DOCK1: variants seen among roughly 807,000 people sequenced by gnomAD.
DOCK1 encodes the protein dedicator of cytokinesis protein 1.
A neutral mutation model predicts 262.7 loss-of-function variants in DOCK1; 138 were observed. The ratio of observed to expected loss-of-function variants is 0.53; its 90% CI spans 0.46 to 0.61. DOCK1 has a LOEUF of 0.61. Ranked by LOEUF, DOCK1 falls within the 20% of genes least tolerant of loss-of-function variation. The probability of loss-of-function intolerance (pLI) is 0.00; values close to 1 mark genes in which losing one functional copy is unlikely to be tolerated. For synonymous variants in DOCK1, 866 were observed against 867.4 expected (o/e 1.00, Z 0.03); for missense variants, 1,908 against 2,370.7 (o/e 0.80, Z 4.05).
intron 29 of DOCK1, among the ~76,000 whole-genome samples, chr10:127,264,491 A>G (rs555708141): frequency 6.6e-6 from 1 of 152,358 alleles, no homozygotes; most frequent in African/African-American, 2.4e-5. Context: ...TAACATGAAT[A>G]TAAAATAGAA....
chr10:127,121,850 G>A (rs2049602842), intron 25 of DOCK1, among the ~76,000 whole-genome samples: 1 of 152,128 alleles, frequency 6.6e-6, no homozygotes, highest in Admixed American at 6.5e-5. Flanking sequence ...TGGCAGACCT[G>A]CTTTTAACTG....
At chr10:127,074,889 C>T (rs867383414) in intron 23 of DOCK1, among the ~76,000 whole-genome samples, 4 of 151,988 alleles carry the variant, frequency 2.6e-5, no homozygotes, top group Non-Finnish European at 4.4e-5. Flanking sequence ...TGGCCGGGTG[C>T]GGTGGCTCAC....
At chr10:126,955,362 A>G (rs896681891) in intron 1 of DOCK1, among the ~76,000 whole-genome samples, 44 of 152,198 alleles carry the variant, frequency 2.9e-4, no homozygotes, top group Non-Finnish European at 5.1e-4. Flanking sequence ...CTGGCCTCCA[A>G]TGATCCGCTC....
At chr10:126,943,072 C>T (rs1007133724) in intron 1 of DOCK1, among the ~76,000 whole-genome samples, 2 of 147,266 alleles carry the variant, frequency 1.4e-5, no homozygotes, top group African/African-American at 5.1e-5. Flanking sequence ...GCCTGGCCAA[C>T]ATGGTGAAAT....
At chr10:127,406,351 C>T (rs957889387) in intron 40 of DOCK1, among the ~76,000 whole-genome samples, 9 of 152,286 alleles carry the variant, frequency 5.9e-5, no homozygotes, top group African/African-American at 2.2e-4. Flanking sequence ...CAGCAGGCTC[C>T]AGGGGCGGTG....
At chr10:127,000,491 T>C in intron 10 of DOCK1, 184 bp downstream of exon 10, 6 of 842,842 alleles carry the variant, frequency 7.1e-6, no homozygotes, top group Non-Finnish European at 1.0e-5. Context: ...AGGCTCAGGA[T>C]GCTCTAGTCC....
chr10:127,150,750 G>A (rs1382668922), intron 27 of DOCK1, among the ~76,000 whole-genome samples: 2 of 152,106 alleles, frequency 1.3e-5, no homozygotes, highest in Non-Finnish European at 1.5e-5. Context: ...GAAAGAGTGG[G>A]GTACCACAAA....
chr10:127,367,786 C>T (rs1328853113), intron 33 of DOCK1, among the ~76,000 whole-genome samples: 1 of 152,346 alleles, frequency 6.6e-6, no homozygotes, highest in Admixed American at 6.5e-5. Context: ...GACGCTCTTG[C>T]AATCTCACAC....
At chr10:127,394,812 G>A (rs544676893) in intron 38 of DOCK1, among the ~76,000 whole-genome samples, 12 of 152,222 alleles carry the variant, frequency 7.9e-5, no homozygotes, top group South Asian at 2.1e-4. Context: ...GTGAAATACC[G>A]AGATGGAGCC....
At chr10:127,185,516 A>G (rs1297004058) in intron 27 of DOCK1, among the ~76,000 whole-genome samples, 1 of 152,210 alleles carries the variant, frequency 6.6e-6, no homozygotes, top group African/African-American at 2.4e-5. Context: ...TCTTAACACT[A>G]TACATCACAG....
chr10:127,309,072 A>C lies in DOCK1; in HGVS notation c.3045-29934A>C, dbSNP rs899690238. ...CCACCAACAGTGTAAAAGTCTTCCT[A>C]TTTCTCCACAGCCTCGCCAGTATCT... On this transcript the variant is annotated intron_variant, in intron 29 of 51. Transcript: ENST00000623213. Among the ~76,000 whole-genome samples the C allele has an allele frequency of 2.0e-5, 3 of 152,046 alleles. No homozygotes were observed. The East Asian group carries it at 5.8e-4, about 29-fold the overall frequency.
In DOCK1 at chr10:127,032,320, G is replaced by A. The variant is rs1347271770; in HGVS notation, c.1912G>A (p.Val638Met). 6.5e-7 allele frequency: 1 copy of A among 1,533,254 alleles called. No homozygotes were observed. Among genetic ancestry groups the A allele is most frequent in the East Asian group, 2.3e-5 (1 of 42,670 alleles). The allele number at this position is 1,533,254 out of a possible 1,614,324, so 95.0% of individuals were successfully genotyped here. ...LVCSTKLTQN[V>M]DLLGLLKWRS... ...GTGCTCCACCAAACTGACTCAGAAC[G>A]GTGCGTTCGAGAGGAGAAACACACT... Residue 638 changes from valine (V) to methionine (M), a missense_variant and splice_region_variant, in exon 18 of 52, where the codon GTG becomes ATG. Val to Met is a conservative substitution (Grantham distance 21). This residue lies in a region of DOCK1 where 294 missense variants were observed against 439.9 expected (regional missense o/e 0.67). Transcript: ENST00000623213.
At position 127,012,487 on chromosome 10, in the gene DOCK1, G is replaced by A; in HGVS notation, c.1201+113G>A. On this transcript the variant is annotated intron_variant, in intron 12 of 51. Coordinates refer to ENST00000623213, the MANE Select transcript of DOCK1 (RefSeq NM_001290223.2). The surrounding 1 kb of genome is among the most constrained non-coding windows in gnomAD (Gnocchi z 4.0). ...TCATGATGGTGGTGATAATGATGGG[G>A]ATGACAGTGATCGTGGTGGAGAATG... 1.2e-6 allele frequency: 1 copy of A among 866,966 alleles called. No homozygotes were observed. The highest frequency in any genetic ancestry group is 2.5e-5 in the East Asian group (1 of 39,948). 53.7% of individuals were successfully genotyped at this position (866,966 alleles called of 1,614,324 possible). A position where few individuals can be genotyped will look rare whatever the true frequency, so the allele number is the denominator to read the frequency against.
chr10:127,344,178 C>G (rs1022021051), intron 31 of DOCK1: 3 of 155,546 alleles, frequency 1.9e-5, no homozygotes, highest in African/African-American at 7.2e-5. Context: ...CAGCAGATAA[C>G]CCCTGTCTTC....
chr10:127,355,680 C>T (rs768966806), intron 32 of DOCK1, among the ~76,000 whole-genome samples: 16 of 152,148 alleles, frequency 1.1e-4, no homozygotes, highest in Non-Finnish European at 2.1e-4. Context: ...GGGGTCTGTC[C>T]GCATCACTCT....
intron 1 of DOCK1, among the ~76,000 whole-genome samples, chr10:126,928,795 A>AG (rs1251308675): frequency 2.0e-5 from 3 of 152,230 alleles, no homozygotes; most frequent in African/African-American, 7.2e-5. Context: ...CACCCAATTT[A>AG]CCAGAAACTA....
intron 23 of DOCK1, among the ~76,000 whole-genome samples, chr10:127,088,036 A>G (rs1448518309): frequency 6.6e-6 from 1 of 152,218 alleles, no homozygotes; most frequent in Non-Finnish European, 1.5e-5. Flanking sequence ...GCTCTAAATC[A>G]TCTTTTACAA....
rs1554934711 is a variant in DOCK1 at position 127,262,210 on chromosome 10, G to GCA, written c.3044+4781_3044+4782insCA. On this transcript the variant is annotated intron_variant, in intron 29 of 51. Transcript: ENST00000623213. ...TGTGTACCCGTGCTCATCTGTGTGTGTGCGTGTGTGTGTGTGTGTACCCGT... is the reference window on the plus strand; with the variant it reads ...TGTGTACCCGTGCTCATCTGTGTGTGCATGCGTGTGTGTGTGTGTGTACCCGT... Among the ~76,000 whole-genome samples the GCA allele has an allele frequency of 2.6e-5, 2 of 77,278 alleles. 1 individual carries two copies. Among genetic ancestry groups the GCA allele is most frequent in the Non-Finnish European group, 5.6e-5 (2 of 35,960 alleles). The allele number at this position is 77,278 out of a possible 152,430, so 50.7% of individuals were successfully genotyped here. A position where few individuals can be genotyped will look rare whatever the true frequency, so the allele number is the denominator to read the frequency against.
chr10:127,398,197 C>T (rs2067026242), intron 38 of DOCK1, among the ~76,000 whole-genome samples: 1 of 152,206 alleles, frequency 6.6e-6, no homozygotes, highest in Admixed American at 6.5e-5. Flanking sequence ...TGCAAAAAGT[C>T]AATCCTGCAC....
Sources: gnomAD v4.1 joint callset for allele counts (sites outside exome capture counted in the v4.1 genomes callset) on GRCh38, gnomAD v4.1.1 for gene constraint, gnomAD v4.1.1 regional missense constraint, Gnocchi (gnomAD v3.1) non-coding constraint, MANE v1.5 for transcripts, NCBI Gene and HGNC (gene_info 2026-07-23, HGNC 2026-07-21) for gene names.